Variants in MUC4 observed in about 807,000 individuals in gnomAD.
The protein encoded by MUC4 is mucin 4, cell surface associated, also known as mucin-4.
MUC4 carries 202 observed loss-of-function variants against 257.9 expected under a neutral mutation model. The ratio of observed to expected loss-of-function variants is 0.78; its 90% confidence interval spans 0.70 to 0.88. The LOEUF is 0.88. Ranked by LOEUF, MUC4 falls within the 40% of genes least tolerant of loss-of-function variation. MUC4 has a pLI of 0.00. For synonymous variants in MUC4, 2,351 were observed against 2,757.1 expected (o/e 0.85, Z 4.62); for missense variants, 5,976 against 6,513.7 (o/e 0.92, Z 2.84).
chr3:195,807,376 G>A (rs1370132493), intron 1 of MUC4, among the ~76,000 whole-genome samples: 2 of 152,100 alleles, frequency 1.3e-5, no homozygotes, highest in South Asian at 2.1e-4. Context: ...GCTGAGGCAG[G>A]AGAATCTCTT....
chr3:195,780,973 G>A lies in MUC4; in HGVS notation c.10607C>T (p.Pro3536Leu), dbSNP rs1282565343. The change falls in exon 2 of 25, where the codon CCT (proline) becomes CTT (leucine). Residue 3536 changes from proline to leucine, a missense_variant. By Grantham distance (98) the Pro-to-Leu change is moderately conservative. This residue lies in a region of MUC4 where 297 missense variants were observed against 240.9 expected (regional missense o/e 1.23). Coordinates refer to ENST00000463781, the MANE Select transcript of MUC4 (RefSeq NM_018406.7). ...TGAGGAAAGGCTGGTGACAGGAAGAGGCGTGGCGTGACCGGTGGATACTGA... is the reference window on the plus strand; with the variant it reads ...TGAGGAAAGGCTGGTGACAGGAAGAAGCGTGGCGTGACCGGTGGATACTGA... ...TSSVSTGHAT[P>L]LPVTSLSSVS... 2.8e-5 allele frequency: 42 copies of A among 1,506,388 alleles called. 1 individual carries two copies. Among genetic ancestry groups the A allele is most frequent in the Non-Finnish European group, 3.8e-5 (42 of 1,119,096 alleles). The allele number at this position is 1,506,388 out of a possible 1,614,324, so 93.3% of individuals were successfully genotyped here. A position where few individuals can be genotyped will look rare whatever the true frequency, so the allele number is the denominator to read the frequency against.
intron 23 of MUC4, among the ~76,000 whole-genome samples, chr3:195,749,504 T>TG (rs2148745224): frequency 6.6e-6 from 1 of 152,246 alleles, no homozygotes; most frequent in South Asian, 2.1e-4. Context: ...TAAAAGGAAA[T>TG]GATCATAATA....
chr3:195,774,901 CA>C (rs10666795), intron 3 of MUC4, among the ~76,000 whole-genome samples: 152 of 118,506 alleles, frequency 1.3e-3, no homozygotes, highest in Middle Eastern at 4.5e-3. Flanking sequence ...AACTCCATCT[CA>C]AAAAAAAAAA....
chr3:195,797,483 G>T (rs966524859), intron 1 of MUC4, among the ~76,000 whole-genome samples: 2 of 152,070 alleles, frequency 1.3e-5, no homozygotes, highest in East Asian at 3.8e-4. Flanking sequence ...AAAAAGAGAC[G>T]TTAACTCTTT....
Position 195,781,223 on chromosome 3 carries a change from G to T in MUC4, c.10357C>A (p.His3453Asn), listed in dbSNP as rs76305071. Residue 3453 changes from histidine (H) to asparagine (N), a missense_variant, in exon 2 of 25, where the codon CAC becomes AAC. His to Asn is a moderately conservative substitution (Grantham distance 68). Around this residue, in one of 44 missense-constraint regions of MUC4, gnomAD observed 297 missense variants for 240.9 expected, o/e 1.23. Coordinates refer to ENST00000463781, the MANE Select transcript of MUC4 (RefSeq NM_018406.7). ...VTSTSSASTG[H>N]TTPLPVTDTS... ...TCGGTGACAGGAAGAGGGGTGGTGT[G>T]ACCTGTAGATGCTGAGGAAGTGCTG... 1 of 1,382,264 alleles carries T rather than the reference G, an allele frequency of 7.2e-7. No homozygotes were observed. Among genetic ancestry groups the T allele is most frequent in the Non-Finnish European group, 9.6e-7 (1 of 1,044,692 alleles). 85.6% of individuals were successfully genotyped at this position (1,382,264 alleles called of 1,614,324 possible).
chr3:195,764,051 G>A lies in MUC4; in HGVS notation c.14038C>T (p.Gln4680Ter). 1 of 1,610,158 alleles carries A rather than the reference G, an allele frequency of 6.2e-7. No homozygotes were observed. The highest frequency in any genetic ancestry group is 8.5e-7 in the Non-Finnish European group (1 of 1,178,770). Residue 4680 changes from glutamine to a stop codon, truncating the protein, a stop_gained, in exon 11 of 25, where the codon CAG (glutamine) becomes TAG (stop). Transcript: ENST00000463781. LOFTEE classifies it high-confidence loss of function. ...HVGCATYRPP[Q>*]PAWMFGDPHI... ...CCTGGGCCCTGTCGCTCACCGGGCT[G>A]TGGGGGCCTGTATGTAGCACAGCCC...
chr3:195,782,948 C>G lies in MUC4; in HGVS notation c.8632G>C (p.Ala2878Pro). 4 of 1,195,186 alleles carry G rather than the reference C, an allele frequency of 3.3e-6. 1 individual carries two copies. Among genetic ancestry groups the G allele is most frequent in the Non-Finnish European group, 4.5e-6 (4 of 897,620 alleles). The allele number at this position is 1,195,186 out of a possible 1,614,324, so 74.0% of individuals were successfully genotyped here. A position where few individuals can be genotyped will look rare whatever the true frequency, so the allele number is the denominator to read the frequency against. The change falls in exon 2 of 25, where the codon GCC (alanine) becomes CCC (proline). Residue 2878 changes from alanine (A) to proline (P), a missense_variant. Around this residue, in one of 44 missense-constraint regions of MUC4, gnomAD observed 228 missense variants for 206.3 expected, o/e 1.11. Transcript: ENST00000463781. ...GCGTCGGTGACAGGAAGAGGGGTGGCATGACCTGTGGACACTGAGGAAGCG... is the reference window on the plus strand; with the variant it reads ...GCGTCGGTGACAGGAAGAGGGGTGGGATGACCTGTGGACACTGAGGAAGCG... ...TDASSVSTGHATPLPVTDASS... is the reference protein window; with the variant it reads ...TDASSVSTGHPTPLPVTDASS...
At position 195,746,905 on chromosome 3, in the gene MUC4, T is replaced by TCC; in HGVS notation, c.*270_*271insGG. 1 of 550,018 alleles carries TCC rather than the reference T, an allele frequency of 1.8e-6. No individual in the cohort carries two copies. Among genetic ancestry groups the TCC allele is most frequent in the Admixed American group, 3.3e-5 (1 of 30,192 alleles). The allele number at this position is 550,018 out of a possible 1,614,324, so 34.1% of individuals were successfully genotyped here. A position where few individuals can be genotyped will look rare whatever the true frequency, so the allele number is the denominator to read the frequency against. ...GAACTCGTGTGTGTGTGTGTGTGTG[T>TCC]GCACGCGCGCGTGCACAGGCTAGTG... On this transcript the variant is annotated 3_prime_UTR_variant, in exon 25 of 25. Transcript: ENST00000463781.
At position 195,786,052 on chromosome 3, in the gene MUC4, A is replaced by T. The variant is rs1220308531; in HGVS notation, c.5528T>A (p.Val1843Asp). 2 of 1,521,112 alleles carry T rather than the reference A, an allele frequency of 1.3e-6. No homozygotes were observed. Among genetic ancestry groups the T allele is most frequent in the African/African-American group, 1.4e-5 (1 of 71,202 alleles). The allele number at this position is 1,521,112 out of a possible 1,614,324, so 94.2% of individuals were successfully genotyped here. ...ASTGDTTSLPVTIPSSASSGH... is the reference protein window; with the variant it reads ...ASTGDTTSLPDTIPSSASSGH... ...TGAAGATGCTGAGGAAGGGATGGTG[A>T]CAGGAAGAGAGGTGGTGTCACCTGT... Residue 1843 changes from valine (V) to aspartate (D), a missense_variant, in exon 2 of 25, where the codon GTC becomes GAC. Val to Asp is a radical substitution (Grantham distance 152). This residue lies in a region of MUC4 where 31 missense variants were observed against 71.1 expected (regional missense o/e 0.44). Transcript: ENST00000463781.
intron 1 of MUC4, among the ~76,000 whole-genome samples, chr3:195,803,966 G>A (rs1013035250): frequency 3.3e-5 from 5 of 152,148 alleles, no homozygotes; most frequent in African/African-American, 1.2e-4. Flanking sequence ...CAATGTTCCT[G>A]GTGTCTCTTT....
intron 1 of MUC4, among the ~76,000 whole-genome samples, chr3:195,801,514 CCTT>C (rs1184959265): frequency 2.0e-5 from 3 of 152,028 alleles, no homozygotes; most frequent in African/African-American, 4.8e-5. Flanking sequence ...CTGCCTTTCT[CCTT>C]CTCTCCTGCC....
chr3:195,791,873 G>A (rs967513270), intron 1 of MUC4, among the ~76,000 whole-genome samples: 8 of 152,150 alleles, frequency 5.3e-5, no homozygotes, highest in African/African-American at 1.9e-4. Context: ...CCTGACAAAA[G>A]CAGGCAATGG....
intron 22 of MUC4, 30 bp from the exon 23 acceptor site, chr3:195,751,142 T>TG: frequency 3.6e-6 from 2 of 554,662 alleles, no homozygotes; most frequent in Non-Finnish European, 5.2e-6. Flanking sequence ...TGAGGGGGGG[T>TG]GGGGGGCTGG....
Position 195,779,478 on chromosome 3 carries a change from AG to A in MUC4, c.12101del (p.Pro4034LeufsTer225). ...TGGATGCTGAGGAAGTGCTGGTGAC[AG>A]GAACAGGGGTGGCGTGACCTGTGGA... ...SASTGHATPV[P>X]VTSTSSASTG... On this transcript the variant is annotated frameshift_variant, in exon 2 of 25. Coordinates refer to ENST00000463781, the MANE Select transcript of MUC4 (RefSeq NM_018406.7). LOFTEE classifies it high-confidence loss of function. The A allele has an allele frequency of 3.3e-6, 4 of 1,229,906 alleles. 2 individuals carry two copies. Among genetic ancestry groups the A allele is most frequent in the Non-Finnish European group, 4.4e-6 (4 of 904,202 alleles). 76.2% of individuals were successfully genotyped at this position (1,229,906 alleles called of 1,614,324 possible).
intron 3 of MUC4, among the ~76,000 whole-genome samples, chr3:195,777,600 C>G (rs1291388553): frequency 9.2e-6 from 1 of 108,552 alleles, no homozygotes; most frequent in Non-Finnish European, 1.9e-5. Flanking sequence ...CCTTCCACAC[C>G]CATACCTTCC....
intron 4 of MUC4, among the ~76,000 whole-genome samples, chr3:195,772,149 G>C (rs992221930): frequency 2.0e-5 from 3 of 152,008 alleles, no homozygotes; most frequent in African/African-American, 7.2e-5. Flanking sequence ...CACATTAGGT[G>C]GGGCTCAGGG....
Position 195,811,776 on chromosome 3 carries a change from C to T in MUC4, c.42G>A (p.Leu14=). The T allele has an allele frequency of 1.9e-6, 3 of 1,614,020 alleles. 1 individual carries two copies. Among genetic ancestry groups the T allele is most frequent in the South Asian group, 2.2e-5 (2 of 91,082 alleles). ...GAAGGAGGCAGAGACACAGGCAGCT[C>T]AGGGACACCCAGGGGACCCTCCTCC... ...ARWRRVPWVS[L]SCLCLCLLPH... Residue 14 remains leucine (L), a synonymous_variant, in exon 1 of 25, where the codon CTG becomes CTA. Coordinates refer to ENST00000463781, the MANE Select transcript of MUC4 (RefSeq NM_018406.7).
intron 2 of MUC4, 110 bp from the exon 3 acceptor site, chr3:195,778,565 C>G: frequency 8.4e-6 from 12 of 1,420,812 alleles, no homozygotes; most frequent in Non-Finnish European, 1.1e-5. Context: ...AACTCCTTGT[C>G]TCTCCCCTGC....
Position 195,781,655 on chromosome 3 carries a change from G to A in MUC4, c.9925C>T (p.His3309Tyr), listed in dbSNP as rs1424606542. The A allele has an allele frequency of 2.2e-6, 1 of 444,964 alleles. No individual in the cohort carries two copies. Among genetic ancestry groups the A allele is most frequent in the Non-Finnish European group, 3.0e-6 (1 of 334,000 alleles). 27.6% of individuals were successfully genotyped at this position (444,964 alleles called of 1,614,324 possible). A position where few individuals can be genotyped will look rare whatever the true frequency, so the allele number is the denominator to read the frequency against. Residue 3309 changes from histidine to tyrosine, a missense_variant, in exon 2 of 25, where the codon CAC becomes TAC. This residue lies in a region of MUC4 where 72 missense variants were observed against 33.5 expected (regional missense o/e 2.15). Coordinates refer to ENST00000463781, the MANE Select transcript of MUC4 (RefSeq NM_018406.7). Reference sequence around the variant, plus strand: ...TCGGTGACAAGAAGAGGAGTGGCGTGACCTGTGGATACTGAGGAAGTCTCG... The same window carrying A: ...TCGGTGACAAGAAGAGGAGTGGCGTAACCTGTGGATACTGAGGAAGTCTCG... ...VTETSSVSTG[H>Y]ATPLLVTDAS...
Sources: gnomAD v4.1 joint callset for allele counts (sites outside exome capture counted in the v4.1 genomes callset) on GRCh38, gnomAD v4.1.1 for gene constraint, gnomAD v4.1.1 regional missense constraint, MANE v1.5 for transcripts, NCBI Gene and HGNC (gene_info 2026-07-23, HGNC 2026-07-21) for gene names.